ENPP1: variants seen among roughly 807,000 people sequenced by gnomAD.
ENPP1 encodes ectonucleotide pyrophosphatase/phosphodiesterase 1.
A neutral mutation model predicts 122.8 loss-of-function variants in ENPP1; 73 were observed. The observed-to-expected ratio is 0.59, with a 90% CI of 0.49 to 0.72. ENPP1 has a LOEUF of 0.72. ENPP1 is among the 30% of genes least tolerant of loss of function. The pLI is 0.00. For synonymous variants in ENPP1, 367 were observed against 391.6 expected (o/e 0.94, Z 0.74); for missense variants, 978 against 1,128.1 (o/e 0.87, Z 1.91).
intron 1 of ENPP1, among the ~76,000 whole-genome samples, chr6:131,817,866 A>G (rs1367549199): frequency 1.3e-5 from 2 of 152,080 alleles, no homozygotes; most frequent in African/African-American, 4.8e-5. Context: ...GTAAATTGTC[A>G]CAGCGAATTG....
rs909954816 is a variant in ENPP1, at chr6:131,808,034, C to A, written c.-2C>A. The stretch of plus-strand genomic sequence containing the variant: ...AGCGGGGCCGGAGCGGCCGGGGCCA[C>A]GATGGAGCGCGACGGCTGCGCGGGG... On this transcript the variant is annotated 5_prime_UTR_variant, in exon 1 of 25. Transcript: ENST00000647893. 4.0e-5 allele frequency: 37 copies of A among 919,602 alleles called. No individual in the cohort carries two copies. The highest frequency in any genetic ancestry group is 4.7e-5 in the African/African-American group (2 of 42,570). 57.0% of individuals were successfully genotyped at this position (919,602 alleles called of 1,614,324 possible).
chr6:131,841,799 C>G (rs1181668443), intron 1 of ENPP1, among the ~76,000 whole-genome samples: 1 of 152,088 alleles, frequency 6.6e-6, no homozygotes, highest in Non-Finnish European at 1.5e-5. Context: ...GAGGGAAGAC[C>G]TAGAGAAACA....
intron 24 of ENPP1, 58 bp downstream of exon 24, chr6:131,886,782 G>A (rs1348409886): frequency 2.7e-6 from 4 of 1,471,470 alleles, no homozygotes; most frequent in African/African-American, 2.8e-5. Context: ...ATGCATATTT[G>A]TTTATGTCAC....
chr6:131,818,262 T>A (rs1205880174), intron 1 of ENPP1, among the ~76,000 whole-genome samples: 3 of 151,916 alleles, frequency 2.0e-5, no homozygotes, highest in African/African-American at 7.3e-5. Context: ...ACACCAATTG[T>A]ACAAGTAGTC....
At chr6:131,844,139 T>C (rs1354267112) in intron 1 of ENPP1, among the ~76,000 whole-genome samples, 1 of 152,236 alleles carries the variant, frequency 6.6e-6, no homozygotes, top group Non-Finnish European at 1.5e-5. Context: ...TCATTTGTTT[T>C]ATGAATACAG....
At chr6:131,836,778 T>C (rs1256060858) in intron 1 of ENPP1, among the ~76,000 whole-genome samples, 2 of 152,260 alleles carry the variant, frequency 1.3e-5, no homozygotes, top group Non-Finnish European at 2.9e-5. Context: ...TGTGGACTCC[T>C]GTCTTAACAT....
intron 1 of ENPP1, chr6:131,827,780 A>G (rs1404262386): frequency 7.1e-6 from 6 of 839,808 alleles, no homozygotes; most frequent in Non-Finnish European, 1.2e-5. Flanking sequence ...GCTGACTCCA[A>G]AGCCCGCTGC....
intron 20 of ENPP1, among the ~76,000 whole-genome samples, chr6:131,881,630 T>C (rs1782308773): frequency 6.6e-6 from 1 of 152,158 alleles, no homozygotes; most frequent in Non-Finnish European, 1.5e-5. Flanking sequence ...ACGCCTGTAA[T>C]CCCAACACTT....
chr6:131,823,922 G>C (rs915226666), intron 1 of ENPP1, among the ~76,000 whole-genome samples: 1 of 151,212 alleles, frequency 6.6e-6, no homozygotes, highest in Non-Finnish European at 1.5e-5. Flanking sequence ...TTGAGGGTTA[G>C]GTGGATTCAT....
At chr6:131,852,042 G>A in intron 4 of ENPP1, 133 bp from the exon 5 acceptor site, 1 of 656,030 alleles carries the variant, frequency 1.5e-6, no homozygotes, top group Non-Finnish European at 2.8e-6. Context: ...TACACCTCCA[G>A]AGTCATGTCC....
intron 1 of ENPP1, among the ~76,000 whole-genome samples, chr6:131,839,583 T>C (rs1781716075): frequency 6.6e-6 from 1 of 152,232 alleles, no homozygotes; most frequent in Non-Finnish European, 1.5e-5. Context: ...TCCTGTGTAC[T>C]GATTCCAAAA....
intron 1 of ENPP1, among the ~76,000 whole-genome samples, chr6:131,835,358 C>G (rs1194294250): frequency 6.6e-6 from 1 of 152,086 alleles, no homozygotes; most frequent in Non-Finnish European, 1.5e-5. Flanking sequence ...TCTTCAAATG[C>G]TTATTTATCA....
At chr6:131,888,022 C>T (rs937249803) in intron 24 of ENPP1, among the ~76,000 whole-genome samples, 7 of 151,580 alleles carry the variant, frequency 4.6e-5, no homozygotes, top group Non-Finnish European at 1.0e-4. Flanking sequence ...CACCCATGCC[C>T]AGCTAATTTT....
intron 8 of ENPP1, among the ~76,000 whole-genome samples, chr6:131,861,024 C>T (rs1028596285): frequency 2.0e-5 from 3 of 152,112 alleles, no homozygotes; most frequent in South Asian, 4.1e-4. Context: ...TTTAAATAAT[C>T]ATGATATTCC....
intron 3 of ENPP1, 88 bp downstream of exon 3, chr6:131,850,194 T>C: frequency 6.4e-6 from 6 of 942,630 alleles, no homozygotes; most frequent in Non-Finnish European, 1.1e-5. Context: ...GTGATTTACC[T>C]AATTCATTTG....
intron 3 of ENPP1, among the ~76,000 whole-genome samples, chr6:131,850,325 A>T (rs1364308592): frequency 1.3e-5 from 2 of 152,202 alleles, no homozygotes; most frequent in African/African-American, 4.8e-5. Context: ...TGGATAGCAG[A>T]ACTTTGTCTA....
chr6:131,816,053 T>C (rs1201610747), intron 1 of ENPP1, among the ~76,000 whole-genome samples: 1 of 152,078 alleles, frequency 6.6e-6, no homozygotes, highest in African/African-American at 2.4e-5. Flanking sequence ...CAGCTGACTC[T>C]TTTTATCTTA....
At chr6:131,855,162 G>A (rs1036795045) in intron 6 of ENPP1, 139 bp downstream of exon 6, 3 of 711,536 alleles carry the variant, frequency 4.2e-6, no homozygotes, top group South Asian at 1.5e-5. Context: ...TGAACCTTGT[G>A]TAAGGCGCTT....
chr6:131,828,118 C>G, intron 1 of ENPP1: 1 of 587,830 alleles, frequency 1.7e-6, no homozygotes, highest in Non-Finnish European at 3.3e-6. Flanking sequence ...AGGAGTCCTG[C>G]TGTCAGTGGA....
Sources: allele counts gnomAD v4.1 joint callset (sites outside exome capture counted in the v4.1 genomes callset), GRCh38; gene constraint gnomAD v4.1.1; transcripts MANE v1.5; gene names NCBI Gene and HGNC (gene_info 2026-07-23, HGNC 2026-07-21).